The following MIPOL1 variants were observed in gnomAD, a reference collection of about 807,000 sequenced individuals.
MIPOL1 encodes mirror-image polydactyly gene 1 protein.
A neutral mutation model predicts 60.9 loss-of-function variants in MIPOL1; 57 were observed. The observed-to-expected ratio is 0.94, with a 90% CI of 0.76 to 1.17. MIPOL1 has a LOEUF of 1.17. MIPOL1 is among the 50% of genes most tolerant of loss of function. MIPOL1 has a pLI of 0.00. For synonymous variants in MIPOL1, 179 were observed against 168.8 expected (o/e 1.06, Z -0.47); for missense variants, 551 against 511.6 (o/e 1.08, Z -0.74).
At chr14:37,480,431 A>G (rs1230556436) in intron 11 of MIPOL1, among the ~76,000 whole-genome samples, 1 of 152,210 alleles carries the variant, frequency 6.6e-6, no homozygotes, top group Non-Finnish European at 1.5e-5. Flanking sequence ...TCACATTAAC[A>G]GAATGAAAAA....
chr14:37,377,682 A>G (rs137957706), intron 10 of MIPOL1, among the ~76,000 whole-genome samples: 1,793 of 152,008 alleles, frequency 0.012, 13 homozygotes, highest in Middle Eastern at 0.051. Context: ...TTCCCCTGCC[A>G]AAAAACAATT....
At chr14:37,310,810 T>C (rs1419843457) in intron 9 of MIPOL1, among the ~76,000 whole-genome samples, 1 of 152,138 alleles carries the variant, frequency 6.6e-6, no homozygotes, top group East Asian at 1.9e-4. Flanking sequence ...TCCTGTATTC[T>C]AGTGTGTGTT....
chr14:37,446,336 C>G (rs1205233893), intron 11 of MIPOL1, among the ~76,000 whole-genome samples: 1 of 152,182 alleles, frequency 6.6e-6, no homozygotes, highest in Non-Finnish European at 1.5e-5. Context: ...CTCACCATCA[C>G]TGGCCATCAG....
intron 1 of MIPOL1, among the ~76,000 whole-genome samples, chr14:37,243,152 G>T (rs1189267400): frequency 6.6e-6 from 1 of 152,048 alleles, no homozygotes; most frequent in Non-Finnish European, 1.5e-5. Flanking sequence ...TGGAACTGTG[G>T]GGTCAAATAA....
At chr14:37,278,956 G>T (rs1325637990) in intron 6 of MIPOL1, 3 of 151,556 alleles carry the variant, frequency 2.0e-5, no homozygotes, top group Non-Finnish European at 4.4e-5. Flanking sequence ...GTTGAGGGGG[G>T]TACGGGTGAT....
At chr14:37,204,017 C>T (rs555369354) in intron 1 of MIPOL1, among the ~76,000 whole-genome samples, 7 of 152,150 alleles carry the variant, frequency 4.6e-5, no homozygotes, top group Admixed American at 1.3e-4. Context: ...CTCCTGACCA[C>T]GTGGTCCGCC....
chr14:37,330,488 C>T (rs1270985034), intron 9 of MIPOL1, among the ~76,000 whole-genome samples: 1 of 152,034 alleles, frequency 6.6e-6, no homozygotes, highest in African/African-American at 2.4e-5. Flanking sequence ...AGTTATGATT[C>T]CATATAATTA....
chr14:37,312,025 G>GGTTT (rs3061933), intron 9 of MIPOL1, among the ~76,000 whole-genome samples: 151,067 of 152,114 alleles, frequency 0.99, 75,022 homozygotes, highest in Middle Eastern at 1. Context: ...TCTGAATTTG[G>GGTTT]GTTTGTTTTT....
chr14:37,379,318 A>C (rs868218549), intron 10 of MIPOL1, among the ~76,000 whole-genome samples: 1 of 152,108 alleles, frequency 6.6e-6, no homozygotes, highest in African/African-American at 2.4e-5. Flanking sequence ...GTAATTCAAA[A>C]TTTTTCACAA....
intron 10 of MIPOL1, among the ~76,000 whole-genome samples, chr14:37,388,810 A>G (rs1466416996): frequency 1.3e-5 from 2 of 151,966 alleles, no homozygotes; most frequent in African/African-American, 4.8e-5. Flanking sequence ...GTCGTGTGTA[A>G]TAGTAGCTCA....
chr14:37,483,153 C>T (rs1322803265), intron 11 of MIPOL1, among the ~76,000 whole-genome samples: 1 of 147,366 alleles, frequency 6.8e-6, no homozygotes, highest in South Asian at 2.1e-4. Context: ...CGTTCTGTTG[C>T]CCAGGCTTCA....
intron 4 of MIPOL1, 132 bp downstream of exon 4, chr14:37,267,301 A>C (rs2082951359): frequency 4.8e-6 from 3 of 618,752 alleles, no homozygotes; most frequent in Non-Finnish European, 8.5e-6. Context: ...CAGCCTGGCC[A>C]ACATGGTGAA....
chr14:37,420,609 A>T (rs548141737), intron 10 of MIPOL1, among the ~76,000 whole-genome samples: 87 of 152,172 alleles, frequency 5.7e-4, no homozygotes, highest in Non-Finnish European at 1.1e-3. Context: ...CATGCAACAG[A>T]TACCCAACTC....
chr14:37,272,919 T>C (rs919096061), intron 6 of MIPOL1, among the ~76,000 whole-genome samples: 4 of 151,402 alleles, frequency 2.6e-5, no homozygotes, highest in Admixed American at 2.6e-4. Flanking sequence ...ACAATCTGTC[T>C]ATAGATTTTA....
chr14:37,356,971 T>C (rs1426968877), intron 9 of MIPOL1, among the ~76,000 whole-genome samples: 1 of 152,198 alleles, frequency 6.6e-6, no homozygotes, highest in African/African-American at 2.4e-5. Context: ...AGTACTCCAC[T>C]GTGTATACAT....
intron 10 of MIPOL1, among the ~76,000 whole-genome samples, chr14:37,377,114 G>T (rs932832210): frequency 6.6e-6 from 1 of 152,032 alleles, no homozygotes; most frequent in Non-Finnish European, 1.5e-5. Flanking sequence ...CCTTCTACCC[G>T]GGAAGGAGTC....
Position 37,546,946 on chromosome 14 carries a change from C to G in MIPOL1, c.1304C>G (p.Thr435Ser). 1 of 1,613,678 alleles carries G rather than the reference C, an allele frequency of 6.2e-7. No individual in the cohort carries two copies. Among genetic ancestry groups the G allele is most frequent in the Non-Finnish European group, 8.5e-7 (1 of 1,179,792 alleles). ...GATGTACTGAGGAAGAAGGTTGGAA[C>G]CGGGACCATGAGGACAGTGATCTGA... ...LVDVLRKKVG[T>S]GTMRTVI is the part of the protein sequence containing the mutation. Residue 435 changes from threonine (T) to serine (S), a missense_variant, in exon 13 of 13, where the codon ACC (threonine) becomes AGC (serine). Transcript: ENST00000684589.
intron 9 of MIPOL1, among the ~76,000 whole-genome samples, chr14:37,345,617 TG>T (rs1298773905): frequency 2.0e-5 from 3 of 152,204 alleles, no homozygotes; most frequent in Admixed American, 2.0e-4. Flanking sequence ...TGTACACTCT[TG>T]TTCCAGATCT....
chr14:37,455,129 C>T (rs919436651), intron 11 of MIPOL1, among the ~76,000 whole-genome samples: 2 of 152,064 alleles, frequency 1.3e-5, no homozygotes, highest in Non-Finnish European at 2.9e-5. Context: ...ATGGTAAACC[C>T]AATTCAGAAT....
Sources: gnomAD v4.1 joint callset for allele counts (sites outside exome capture counted in the v4.1 genomes callset) on GRCh38, gnomAD v4.1.1 for gene constraint, MANE v1.5 for transcripts, NCBI Gene and HGNC (gene_info 2026-07-23, HGNC 2026-07-21) for gene names.